CLCN1: variants seen among roughly 807,000 people sequenced by gnomAD.
CLCN1 encodes the protein chloride voltage-gated channel 1.
Under a neutral mutation model 114.5 loss-of-function variants are expected in CLCN1, and 100 were observed. The observed-to-expected ratio is 0.87, with a 90% confidence interval of 0.74 to 1.03. The LOEUF (loss-of-function observed/expected upper bound fraction) is 1.03, where lower values mean the gene tolerates loss of function less well. CLCN1 is among the 50% of genes least tolerant of loss of function. The pLI is 0.00. For synonymous variants in CLCN1, 485 were observed against 487.1 expected (o/e 1.00, Z 0.06); for missense variants, 1,188 against 1,250.0 (o/e 0.95, Z 0.75).
At chr7:143,331,985 C>T (rs1802736312) in intron 10 of CLCN1, among the ~76,000 whole-genome samples, 1 of 152,122 alleles carries the variant, frequency 6.6e-6, no homozygotes, top group Non-Finnish European at 1.5e-5. Context: ...TGCACCAACA[C>T]GACCAGCTAA....
chr7:143,331,724 T>G, intron 10 of CLCN1, 72 bp downstream of exon 10: 1 of 1,106,416 alleles, frequency 9.0e-7, no homozygotes, highest in South Asian at 1.2e-5. Context: ...CCTTTTTGTC[T>G]TTGGGGAAGG....
Position 143,346,809 on chromosome 7 carries a change from C to G in CLCN1, c.2365-102C>G. 4 of 1,247,582 alleles carry G rather than the reference C, an allele frequency of 3.2e-6. No homozygotes were observed. In the South Asian group the frequency reaches 4.8e-5, roughly 15 times the overall value. The allele number at this position is 1,247,582 out of a possible 1,614,324, so 77.3% of individuals were successfully genotyped here. ...GGGATGATGAATGAAAAGGAGGCAT[C>G]GGTGGTCCTGGCCAGGGAGGGATGG... On this transcript the variant is annotated intron_variant, in intron 19 of 22. Coordinates refer to ENST00000343257, the MANE Select transcript of CLCN1 (RefSeq NM_000083.3).
chr7:143,320,570 TC>T, intron 2 of CLCN1, 93 bp from the exon 3 acceptor site: 1 of 1,046,716 alleles, frequency 9.6e-7, no homozygotes. Flanking sequence ...TCTCTCTCTC[TC>T]TCTCTCTCTC....
At position 143,331,776 on chromosome 7, in the gene CLCN1, G is replaced by A. The variant is rs924736551; in HGVS notation, c.1166+124G>A. On this transcript the variant is annotated intron_variant, in intron 10 of 22. Transcript: ENST00000343257. ...GTGGCTTGCATTAAAATATAAGGAA[G>A]CTCTGATATTGTGGTTAGGGGGTGA... is the stretch of plus-strand genomic sequence containing the variant. 5.5e-6 allele frequency: 4 copies of A among 731,930 alleles called. No homozygotes were observed. In the African/African-American group the frequency reaches 7.0e-5, roughly 13 times the overall value. 45.3% of individuals were successfully genotyped at this position (731,930 alleles called of 1,614,324 possible). A position where few individuals can be genotyped will look rare whatever the true frequency, so the allele number is the denominator to read the frequency against.
At chr7:143,332,212 C>T (rs559713149) in intron 10 of CLCN1, among the ~76,000 whole-genome samples, 2 of 152,320 alleles carry the variant, frequency 1.3e-5, no homozygotes, top group East Asian at 3.9e-4. Flanking sequence ...GATCTGCCCA[C>T]CTTGGCCTCC....
chr7:143,327,718 A>T (rs1040361346), intron 7 of CLCN1, among the ~76,000 whole-genome samples: 16 of 152,056 alleles, frequency 1.1e-4, no homozygotes, highest in African/African-American at 3.4e-4. Flanking sequence ...GCAGTGGCGC[A>T]ATTTTGGCTC....
chr7:143,338,078 T>C (rs1056391658), intron 12 of CLCN1, among the ~76,000 whole-genome samples: 17 of 152,108 alleles, frequency 1.1e-4, no homozygotes, highest in Admixed American at 2.6e-4. Context: ...TCTCCTGACC[T>C]CGTGATCTGC....
chr7:143,316,744 C>T (rs181296011), intron 1 of CLCN1, among the ~76,000 whole-genome samples: 10 of 152,278 alleles, frequency 6.6e-5, no homozygotes, highest in Admixed American at 6.5e-4. Context: ...GAGCTGTCTC[C>T]CACACCCTCA....
rs375078253 is a variant in CLCN1, at chr7:143,331,539, T to C, written c.1065-12T>C. The C allele has an allele frequency of 3.8e-6, 6 of 1,584,488 alleles. No homozygotes were observed. The highest frequency in any genetic ancestry group is 5.2e-6 in the Non-Finnish European group (6 of 1,153,184). ...GTCTGTAAGATTCCAACTCTATAAA[T>C]TACACCCTCAGGATTTGCTGTGGGC... On this transcript the variant is annotated splice_polypyrimidine_tract_variant and intron_variant, in intron 9 of 22. Transcript: ENST00000343257.
chr7:143,319,681 C>A, intron 1 of CLCN1, 74 bp from the exon 2 acceptor site: 2 of 1,489,824 alleles, frequency 1.3e-6, no homozygotes, highest in Non-Finnish European at 1.9e-6. Context: ...TTCTGTGAGT[C>A]TGTCTGCTGG....
In CLCN1 at chr7:143,351,699, C is replaced by G; in HGVS notation, c.2701C>G (p.Pro901Ala). 6.2e-7 allele frequency: 1 copy of G among 1,614,208 alleles called. No individual in the cohort carries two copies. Among genetic ancestry groups the G allele is most frequent in the Non-Finnish European group, 8.5e-7 (1 of 1,180,034 alleles). Reference sequence around the variant, plus strand: ...AACTCGAAAGAGTACCGGGGCACCTCCATCTTCTGCAGAGAACTGGAACCT... The same window carrying G: ...AACTCGAAAGAGTACCGGGGCACCTGCATCTTCTGCAGAGAACTGGAACCT... ...TSTRKSTGAP[P>A]SSAENWNLPE... is the part of the protein sequence containing the mutation. The change falls in exon 23 of 23, where the codon CCA becomes GCA. Residue 901 changes from proline to alanine, a missense_variant. Transcript: ENST00000343257.
intron 7 of CLCN1, among the ~76,000 whole-genome samples, chr7:143,326,924 T>C (rs1175626655): frequency 1.3e-5 from 2 of 152,176 alleles, no homozygotes; most frequent in East Asian, 1.9e-4. Context: ...TGGAAAATGC[T>C]TGGTTAAAGA....
At position 143,343,769 on chromosome 7, in the gene CLCN1, T is replaced by A. The variant is rs189438616; in HGVS notation, c.1930+1264T>A. Among the ~76,000 whole-genome samples the A allele has an allele frequency of 5.6e-3, 843 of 151,642 alleles. 3 individuals carry two copies. The highest frequency in any genetic ancestry group is 9.1e-3 in the Non-Finnish European group (615 of 67,872). ...TTCTCTTTCTCTCTCTCTCCCTCCC[T>A]CTTTCCCTCTCTCTCTCTTTCTCTC... is the stretch of plus-strand genomic sequence containing the variant. On this transcript the variant is annotated intron_variant, in intron 16 of 22. Coordinates refer to ENST00000343257, the MANE Select transcript of CLCN1 (RefSeq NM_000083.3).
intron 1 of CLCN1, among the ~76,000 whole-genome samples, chr7:143,318,733 C>G (rs1371243236): frequency 6.6e-6 from 1 of 152,166 alleles, no homozygotes; most frequent in Non-Finnish European, 1.5e-5. Flanking sequence ...GGAGCTGAGA[C>G]AGCCTCAGCT....
At chr7:143,336,471 G>C (rs556618942) in intron 12 of CLCN1, among the ~76,000 whole-genome samples, 1 of 151,840 alleles carries the variant, frequency 6.6e-6, no homozygotes, top group African/African-American at 2.4e-5. Context: ...TTACCTGGGC[G>C]TGGTGGCAGG....
chr7:143,323,833 G>A (rs1802514028), intron 6 of CLCN1: 2 of 474,128 alleles, frequency 4.2e-6, no homozygotes, highest in Admixed American at 2.3e-5. Context: ...TGCCTGGGCA[G>A]CTTGACCTCC....
chr7:143,324,283 A>G lies in CLCN1; in HGVS notation c.775-131A>G. On this transcript the variant is annotated intron_variant, in intron 6 of 22. Coordinates refer to ENST00000343257, the MANE Select transcript of CLCN1 (RefSeq NM_000083.3). This position sits in a 1 kb window ranked among gnomAD's most constrained non-coding sequence, Gnocchi z 4.6. Reference sequence around the variant, plus strand: ...TCTTGGCCTGGGAATCACAGGGGACATGGGACCACAAGGACTCCTTTTGAC... The same window carrying G: ...TCTTGGCCTGGGAATCACAGGGGACGTGGGACCACAAGGACTCCTTTTGAC... 1.3e-6 allele frequency: 1 copy of G among 744,876 alleles called. No homozygotes were observed. Among genetic ancestry groups the G allele is most frequent in the Non-Finnish European group, 2.5e-6 (1 of 405,902 alleles). 46.1% of individuals were successfully genotyped at this position (744,876 alleles called of 1,614,324 possible).
At chr7:143,326,494 G>T (rs1310960885) in intron 7 of CLCN1, among the ~76,000 whole-genome samples, 1 of 152,124 alleles carries the variant, frequency 6.6e-6, no homozygotes, top group Non-Finnish European at 1.5e-5. Context: ...GGCTGGACAG[G>T]CAGGCAAACC....
intron 1 of CLCN1, among the ~76,000 whole-genome samples, chr7:143,319,111 C>T (rs1382484181): frequency 6.6e-6 from 1 of 152,142 alleles, no homozygotes; most frequent in Non-Finnish European, 1.5e-5. Context: ...GCTCTGTCCT[C>T]TTCACATGTG....
Sources: allele counts gnomAD v4.1 joint callset (sites outside exome capture counted in the v4.1 genomes callset), GRCh38; gene constraint gnomAD v4.1.1; non-coding constraint Gnocchi (gnomAD v3.1); transcripts MANE v1.5; gene names NCBI Gene and HGNC (gene_info 2026-07-23, HGNC 2026-07-21).